Variants in LMO7 observed in about 807,000 individuals in gnomAD.
LMO7 encodes LIM domain only protein 7.
In LMO7, 120 loss-of-function variants were observed where a neutral mutation model predicts 206.5. The ratio of observed to expected loss-of-function variants is 0.58; its 90% CI spans 0.50 to 0.68. LMO7 has a LOEUF of 0.68. Among genes scored for constraint, LMO7 ranks in the 30% least tolerant of loss-of-function variants. LMO7 has a pLI of 0.00. For missense variants in LMO7, 1,959 were observed against 1,957.9 expected, an observed-to-expected ratio of 1.00 and a Z score of -0.01; for synonymous variants, 706 against 681.5, an observed-to-expected ratio of 1.04 and a Z score of -0.56.
intron 1 of LMO7, among the ~76,000 whole-genome samples, chr13:75,692,714 G>T (rs927805299): frequency 2.6e-4 from 40 of 152,158 alleles, no homozygotes; most frequent in African/African-American, 9.2e-4. Flanking sequence ...TCAAGTTTTA[G>T]CTCTTTTAGT....
intron 30 of LMO7, 103 bp downstream of exon 30, chr13:75,856,711 C>T: frequency 1.4e-6 from 1 of 714,848 alleles, no homozygotes; most frequent in East Asian, 2.5e-5. Context: ...AAGTTCACTG[C>T]CATAGGATTC....
rs533172297 is a variant in LMO7, at chr13:75,760,810, G to A, written c.211-122G>A. The A allele has an allele frequency of 3.2e-6, 5 of 1,549,630 alleles. 1 individual carries two copies. Among genetic ancestry groups the A allele is most frequent in the African/African-American group, 1.4e-5 (1 of 73,222 alleles). Reference sequence around the variant, plus strand: ...TCAAATATACATATGCATGGGTCTTGCTGCTGCCTCTTTTGCTGACTGTAA... The same window carrying A: ...TCAAATATACATATGCATGGGTCTTACTGCTGCCTCTTTTGCTGACTGTAA... On this transcript the variant is annotated intron_variant, in intron 3 of 30. Transcript: ENST00000377534.
chr13:75,748,779 G>T (rs538538206), intron 3 of LMO7, among the ~76,000 whole-genome samples: 1 of 151,662 alleles, frequency 6.6e-6, no homozygotes, highest in South Asian at 2.1e-4. Flanking sequence ...CAGTGAGGGA[G>T]TCTTTAGACT....
At chr13:75,668,651 C>A (rs9593114) in intron 1 of LMO7, among the ~76,000 whole-genome samples, 1,656 of 152,270 alleles carry the variant, frequency 0.011, 35 homozygotes, top group African/African-American at 0.037. Context: ...CTCTCCAGTA[C>A]CCTCAGAAAT....
At chr13:75,674,967 G>A (rs11841001) in intron 1 of LMO7, among the ~76,000 whole-genome samples, 14,361 of 152,234 alleles carry the variant, frequency 0.094, 756 homozygotes, top group Middle Eastern at 0.12. Context: ...AGCTTGTAGT[G>A]AGCATATTGT....
chr13:75,683,382 G>T (rs78191689), intron 1 of LMO7, among the ~76,000 whole-genome samples: 1,618 of 152,130 alleles, frequency 0.011, 35 homozygotes, highest in East Asian at 0.098. Flanking sequence ...GATACTTTTT[G>T]ATTTATATTT....
chr13:75,694,693 T>A (rs911307984), intron 1 of LMO7, among the ~76,000 whole-genome samples: 2 of 151,880 alleles, frequency 1.3e-5, no homozygotes, highest in Admixed American at 6.6e-5. Flanking sequence ...AGAAGTGAGA[T>A]GTGGTAGCTG....
intron 2 of LMO7, among the ~76,000 whole-genome samples, chr13:75,721,172 T>C (rs2043989299): frequency 6.6e-6 from 1 of 151,272 alleles, no homozygotes; most frequent in Non-Finnish European, 1.5e-5. Flanking sequence ...TAGGGAGGAG[T>C]GTTGTTGGTA....
chr13:75,816,853 A>T (rs2057052964), intron 11 of LMO7: 1 of 197,216 alleles, frequency 5.1e-6, no homozygotes. Flanking sequence ...TCATGCATTG[A>T]CCTCTTTAAA....
At chr13:75,662,954 G>C (rs2038742613) in intron 1 of LMO7, among the ~76,000 whole-genome samples, 1 of 152,154 alleles carries the variant, frequency 6.6e-6, no homozygotes, top group Non-Finnish European at 1.5e-5. Context: ...AGGAATGGCA[G>C]ATGAAATTGT....
At chr13:75,635,775 G>C (rs956641959), upstream of LMO7, 2 of 152,098 alleles carry the variant, frequency 1.3e-5, no homozygotes, top group Non-Finnish European at 2.9e-5. Flanking sequence ...CTCTGCCGCC[G>C]GGAGGGCCCG....
chr13:75,845,387 C>A lies in LMO7; in HGVS notation c.4150+8C>A. On this transcript the variant is annotated splice_region_variant and intron_variant, in intron 26 of 30. Coordinates refer to ENST00000377534, the MANE Select transcript of LMO7 (RefSeq NM_001306080.2). ...ACTCCACAAATAAAAATGGTAAATGCGATATTTTCCCCCAAACTCCTTCAG... is the reference window on the plus strand; with the variant it reads ...ACTCCACAAATAAAAATGGTAAATGAGATATTTTCCCCCAAACTCCTTCAG... 6.4e-7 allele frequency: 1 copy of A among 1,551,220 alleles called. No homozygotes were observed. Among genetic ancestry groups the A allele is most frequent in the South Asian group, 1.1e-5 (1 of 87,598 alleles).
intron 11 of LMO7, among the ~76,000 whole-genome samples, chr13:75,815,777 G>C (rs1174751588): frequency 6.6e-6 from 1 of 152,108 alleles, no homozygotes; most frequent in Non-Finnish European, 1.5e-5. Flanking sequence ...GAAAGAAAGA[G>C]ACACTGAATG....
At chr13:75,757,161 G>A (rs778944201) in intron 3 of LMO7, among the ~76,000 whole-genome samples, 23 of 152,142 alleles carry the variant, frequency 1.5e-4, no homozygotes, top group Non-Finnish European at 1.3e-4. Context: ...TGTCCATTTG[G>A]TAAAGAACCA....
intron 3 of LMO7, among the ~76,000 whole-genome samples, chr13:75,733,460 G>A (rs1032766555): frequency 2.8e-4 from 42 of 152,318 alleles, no homozygotes; most frequent in African/African-American, 7.2e-4. Flanking sequence ...CTGGTGCGCC[G>A]TTTTTTAAGC....
intron 19 of LMO7, 88 bp downstream of exon 19, chr13:75,836,545 G>A: frequency 2.8e-6 from 2 of 724,796 alleles, no homozygotes; most frequent in Non-Finnish European, 4.5e-6. Flanking sequence ...ATATCTGTGA[G>A]TGAAAGAAAA....
intron 1 of LMO7, among the ~76,000 whole-genome samples, chr13:75,691,236 C>T (rs1221260290): frequency 6.6e-6 from 1 of 152,110 alleles, no homozygotes; most frequent in African/African-American, 2.4e-5. Flanking sequence ...ATAATGAAAC[C>T]ATCTCACTGT....
intron 4 of LMO7, among the ~76,000 whole-genome samples, chr13:75,781,767 C>A (rs995755095): frequency 2.6e-5 from 4 of 152,134 alleles, no homozygotes; most frequent in African/African-American, 9.7e-5. Context: ...GTTCCTATTT[C>A]TCCACATCCT....
intron 4 of LMO7, among the ~76,000 whole-genome samples, chr13:75,779,316 A>G (rs955049455): frequency 5.9e-5 from 9 of 151,968 alleles, no homozygotes; most frequent in Middle Eastern, 3.4e-3. Context: ...GGTTGGAACT[A>G]AATATGGTGA....
Sources: allele counts gnomAD v4.1 joint callset (sites outside exome capture counted in the v4.1 genomes callset), GRCh38; gene constraint gnomAD v4.1.1; transcripts MANE v1.5; gene names NCBI Gene and HGNC (gene_info 2026-07-23, HGNC 2026-07-21).